Variants in RBFOX1 observed in about 807,000 individuals in gnomAD.
RBFOX1 encodes the protein RNA binding protein fox-1 homolog 1.
Under a neutral mutation model 57.7 loss-of-function variants are expected in RBFOX1, and 8 were observed. That is an observed-to-expected ratio of 0.14 (90% CI 0.08 to 0.25). The LOEUF is 0.25. Ranked by LOEUF, RBFOX1 falls within the 10% of genes least tolerant of loss-of-function variation. The pLI is 1.00. For missense variants in RBFOX1, 611 were observed against 548.5 expected, an observed-to-expected ratio of 1.11 and a Z score of -1.14; for synonymous variants, 326 against 222.4, an observed-to-expected ratio of 1.47 and a Z score of -4.15.
In RBFOX1 at chr16:6,143,959, C is replaced by CTATATATATATATA. The variant is rs71142686; in HGVS notation, c.-127+123977_-127+123990dup. Among the ~76,000 whole-genome samples the CTATATATATATATA allele has an allele frequency of 1.1e-3, 151 of 139,966 alleles. 1 individual carries two copies. Among genetic ancestry groups the CTATATATATATATA allele is most frequent in the African/African-American group, 3.0e-3 (107 of 35,650 alleles). 91.8% of individuals were successfully genotyped at this position (139,966 alleles called of 152,430 possible). ...TGCAGGTGTGCAACACCATACTCAG[C>CTATATATATATATA]TATATATATATATATATATATATCT... is the stretch of plus-strand genomic sequence containing the variant. On this transcript the variant is annotated intron_variant, in intron 1 of 15. Transcript: ENST00000550418.
intron 1 of RBFOX1, among the ~76,000 whole-genome samples, chr16:5,402,284 C>G (rs570623): frequency 0.025 from 3,876 of 152,254 alleles, 175 homozygotes; most frequent in African/African-American, 0.089. Context: ...CTCCTCGCCT[C>G]TATCATGTTG....
intron 3 of RBFOX1, among the ~76,000 whole-genome samples, chr16:7,031,480 T>A (rs778125273): frequency 2.0e-5 from 3 of 151,866 alleles, no homozygotes; most frequent in Non-Finnish European, 4.4e-5. Flanking sequence ...CCTGTAGTTC[T>A]GGCTACTTGG....
chr16:7,068,303 T>A (rs893935148), intron 4 of RBFOX1, among the ~76,000 whole-genome samples: 1 of 152,192 alleles, frequency 6.6e-6, no homozygotes, highest in Non-Finnish European at 1.5e-5. Context: ...TGATTCTCCA[T>A]GTGTATTCAA....
intron 4 of RBFOX1, among the ~76,000 whole-genome samples, chr16:7,348,703 A>T (rs927243034): frequency 6.6e-6 from 1 of 152,220 alleles, no homozygotes; most frequent in African/African-American, 2.4e-5. Context: ...GCACTTTGGG[A>T]GGCTGAGGAT....
rs79075306 is a variant in RBFOX1 at position 5,974,034 on chromosome 16, A to G, written c.351+106699A>G. Among the ~76,000 whole-genome samples, 57 of 152,352 alleles carry G rather than the reference A, an allele frequency of 3.7e-4. 1 individual carries two copies. The East Asian group carries it at 5.4e-3, about 14-fold the overall frequency. On this transcript the variant is annotated intron_variant, in intron 4 of 19. Transcript: ENST00000641259. ...TCATTTCCTCATTTGTAAAATAGAG[A>G]TGATCATCGTATCTACATGGAAGGA...
chr16:7,585,868 C>T lies in RBFOX1; in HGVS notation c.415-1379C>T, dbSNP rs552064090. On this transcript the variant is annotated intron_variant, in intron 6 of 15. Transcript: ENST00000550418. ...CTGAAACACATAGTCAGGCAAACCT[C>T]CCCTGCTTCTTGTGTGGTCTTTTTG... Among the ~76,000 whole-genome samples, 35 of 152,240 alleles carry T rather than the reference C, an allele frequency of 2.3e-4. No individual in the cohort carries two copies. In the South Asian group the frequency reaches 7.1e-3, roughly 31 times the overall value.
At chr16:6,117,318 C>CT (rs1254688908) in intron 1 of RBFOX1, among the ~76,000 whole-genome samples, 2 of 152,200 alleles carry the variant, frequency 1.3e-5, no homozygotes, top group Non-Finnish European at 2.9e-5. Flanking sequence ...ACCTTTAAAA[C>CT]TCAGAAGACA....
intron 2 of RBFOX1, among the ~76,000 whole-genome samples, chr16:6,599,853 G>C (rs73538051): frequency 0.033 from 4,982 of 152,260 alleles, 291 homozygotes; most frequent in African/African-American, 0.11. Context: ...CATTACATGA[G>C]CTAACACTTG....
intron 2 of RBFOX1, among the ~76,000 whole-genome samples, chr16:6,450,309 T>A (rs1322738116): frequency 6.6e-6 from 1 of 152,178 alleles, no homozygotes; most frequent in East Asian, 1.9e-4. Flanking sequence ...GAGAGTGGGT[T>A]AGTCACTTAC....
At chr16:7,703,227 C>T (rs915374537) in intron 14 of RBFOX1, among the ~76,000 whole-genome samples, 1 of 152,200 alleles carries the variant, frequency 6.6e-6, no homozygotes, top group African/African-American at 2.4e-5. Context: ...GCACTGTAGT[C>T]CCTAATTGCA....
chr16:6,346,139 C>G (rs1416695265), intron 2 of RBFOX1, among the ~76,000 whole-genome samples: 2 of 152,120 alleles, frequency 1.3e-5, no homozygotes, highest in African/African-American at 4.8e-5. Context: ...TTGACTTTTC[C>G]CTTTAGCTTA....
intron 4 of RBFOX1, among the ~76,000 whole-genome samples, chr16:7,360,234 C>G (rs1177441733): frequency 5.3e-5 from 8 of 152,088 alleles, no homozygotes; most frequent in Non-Finnish European, 5.9e-5. Context: ...TTTAATAAAC[C>G]TAGAAATGCC....
intron 1 of RBFOX1, among the ~76,000 whole-genome samples, chr16:5,427,085 C>T (rs2067583732): frequency 6.6e-6 from 1 of 152,148 alleles, no homozygotes; most frequent in Non-Finnish European, 1.5e-5. Context: ...AGGCCTGGGC[C>T]CCCTGCCATC....
intron 2 of RBFOX1, among the ~76,000 whole-genome samples, chr16:6,450,701 A>C (rs1363986435): frequency 7.3e-6 from 1 of 137,066 alleles, no homozygotes; most frequent in Non-Finnish European, 1.5e-5. Flanking sequence ...GAAGCAAATT[A>C]ATCCTTTCTT....
Position 5,251,647 on chromosome 16 carries a change from C to A in RBFOX1, c.219+11542C>A, listed in dbSNP as rs1393097018. ...CAAAACTAGCATTTGATGATAGATA[C>A]CAGAACAGTGGCTGCTTGGAGTGAG... On this transcript the variant is annotated intron_variant, in intron 1 of 2. Transcript: ENST00000585867. Among the ~76,000 whole-genome samples, 7 of 152,056 alleles carry A rather than the reference C, an allele frequency of 4.6e-5. No individual in the cohort carries two copies. In the South Asian group the frequency reaches 1.2e-3, roughly 27 times the overall value.
intron 2 of RBFOX1, among the ~76,000 whole-genome samples, chr16:6,597,292 C>G (rs1479278942): frequency 2.0e-5 from 3 of 151,940 alleles, no homozygotes; most frequent in African/African-American, 7.3e-5. Flanking sequence ...AGTTTTATAC[C>G]CTAAAGCCAT....
At chr16:6,255,634 C>T (rs770554226) in intron 1 of RBFOX1, among the ~76,000 whole-genome samples, 1 of 151,794 alleles carries the variant, frequency 6.6e-6, no homozygotes, top group African/African-American at 2.4e-5. Flanking sequence ...AGAAGTGGTG[C>T]CTGTGGTCAA....
intron 4 of RBFOX1, among the ~76,000 whole-genome samples, chr16:7,132,261 A>G (rs147147566): frequency 1.4e-3 from 215 of 152,140 alleles, no homozygotes; most frequent in African/African-American, 4.9e-3. Flanking sequence ...GATTACAGTC[A>G]TGAGATACCC....
chr16:7,211,365 C>T (rs1467371903), intron 4 of RBFOX1, among the ~76,000 whole-genome samples: 1 of 134,402 alleles, frequency 7.4e-6, no homozygotes, highest in Non-Finnish European at 1.5e-5. Flanking sequence ...GCGCCCCAGC[C>T]TGGGCGACAG....
Sources: allele counts gnomAD v4.1 joint callset (sites outside exome capture counted in the v4.1 genomes callset), GRCh38; gene constraint gnomAD v4.1.1; transcripts MANE v1.5; gene names NCBI Gene and HGNC (gene_info 2026-07-23, HGNC 2026-07-21).